Variants in NCOA3 observed in about 807,000 individuals in gnomAD.
NCOA3 encodes the protein CBP-interacting protein.
NCOA3 carries 51 observed loss-of-function variants against 158.8 expected under a neutral mutation model. That is an observed-to-expected ratio of 0.32 (90% CI 0.26 to 0.41). The LOEUF (loss-of-function observed/expected upper bound fraction) is 0.41. NCOA3 is among the 10% of genes least tolerant of loss of function. The probability of loss-of-function intolerance (pLI) is 1.00; values close to 1 mark genes in which losing one functional copy is unlikely to be tolerated. For missense variants in NCOA3, 1,510 were observed against 1,746.6 expected (o/e 0.86, Z 2.41); for synonymous variants, 537 against 592.4 (o/e 0.91, Z 1.36).
chr20:47,538,155 C>T (rs1250695378), intron 1 of NCOA3, among the ~76,000 whole-genome samples: 3 of 152,174 alleles, frequency 2.0e-5, no homozygotes, highest in Non-Finnish European at 4.4e-5. Context: ...GCTAGGATTA[C>T]AGGCATGAAC....
intron 2 of NCOA3, among the ~76,000 whole-genome samples, chr20:47,602,673 T>G (rs868588759): frequency 6.6e-6 from 1 of 152,222 alleles, no homozygotes; most frequent in Non-Finnish European, 1.5e-5. Context: ...TTCAGTAGTT[T>G]AAGGCTTTGA....
At chr20:47,652,368 T>C (rs767073511) in intron 20 of NCOA3, 38 bp from the exon 21 acceptor site, 1 of 1,557,460 alleles carries the variant, frequency 6.4e-7, no homozygotes, top group Non-Finnish European at 8.8e-7. Flanking sequence ...GGAGAAGGCA[T>C]TTGGGCATTT....
At chr20:47,643,645 GCTTT>G in intron 17 of NCOA3, among the ~76,000 whole-genome samples, 1 of 151,996 alleles carries the variant, frequency 6.6e-6, no homozygotes, top group African/African-American at 2.4e-5. Flanking sequence ...ATCTCAAATC[GCTTT>G]CTGTCTTGAT....
At chr20:47,638,230 C>G (rs2146325134) in intron 13 of NCOA3, among the ~76,000 whole-genome samples, 1 of 152,276 alleles carries the variant, frequency 6.6e-6, no homozygotes, top group East Asian at 1.9e-4. Flanking sequence ...TCTCCTGTTG[C>G]TGTGTGTTGA....
chr20:47,556,746 T>C (rs936607707), intron 1 of NCOA3, among the ~76,000 whole-genome samples: 1 of 152,132 alleles, frequency 6.6e-6, no homozygotes, highest in Admixed American at 6.6e-5. Context: ...CTGGTGAAGC[T>C]TTCTTTAACA....
At chr20:47,570,004 C>G (rs1371440695) in intron 1 of NCOA3, among the ~76,000 whole-genome samples, 1 of 150,350 alleles carries the variant, frequency 6.7e-6, no homozygotes. Context: ...AGTGAGACTC[C>G]GTCTCAAAAA....
intron 2 of NCOA3, among the ~76,000 whole-genome samples, chr20:47,596,827 C>T (rs952156813): frequency 3.9e-5 from 6 of 152,080 alleles, no homozygotes; most frequent in East Asian, 1.9e-4. Context: ...TGAGCTCAAG[C>T]GATCCACCTG....
At chr20:47,561,414 C>A (rs2085104030) in intron 1 of NCOA3, among the ~76,000 whole-genome samples, 2 of 151,318 alleles carry the variant, frequency 1.3e-5, no homozygotes, top group South Asian at 4.2e-4. Context: ...GATCCTCTTG[C>A]TTCAGCTTCC....
At chr20:47,606,342 C>T (rs2146268568) in intron 2 of NCOA3, among the ~76,000 whole-genome samples, 1 of 152,316 alleles carries the variant, frequency 6.6e-6, no homozygotes, top group South Asian at 2.1e-4. Flanking sequence ...TTGCTATTTT[C>T]ATCCCGTTGG....
intron 22 of NCOA3, 38 bp from the exon 23 acceptor site, chr20:47,653,368 A>ATTTTTTTTTTTTTTT: frequency 8.6e-6 from 12 of 1,389,728 alleles, no homozygotes; most frequent in Middle Eastern, 1.9e-4. Context: ...TGTTTTACTC[A>ATTTTTTTTTTTTTTT]TTTTTTTTTT....
intron 1 of NCOA3, among the ~76,000 whole-genome samples, chr20:47,576,823 A>G (rs2085379854): frequency 6.6e-6 from 1 of 152,198 alleles, no homozygotes. Context: ...TGGAGCCCAG[A>G]GCTTTGCTCA....
chr20:47,546,020 ATTGTT>A (rs1206051200), intron 1 of NCOA3, among the ~76,000 whole-genome samples: 1 of 152,006 alleles, frequency 6.6e-6, no homozygotes, highest in Non-Finnish European at 1.5e-5. Flanking sequence ...AGGCCTGTAT[ATTGTT>A]TATGTGAGAT....
intron 1 of NCOA3, among the ~76,000 whole-genome samples, chr20:47,535,458 T>C (rs566105558): frequency 6.6e-6 from 1 of 152,214 alleles, no homozygotes; most frequent in Admixed American, 6.5e-5. Flanking sequence ...CTTGCCCTAG[T>C]GTGCTGGAAA....
rs1181324864 is a variant in NCOA3, at chr20:47,598,108, G to A, written c.-20+14847G>A. ...AAAAATACAAAAAAATTAGCCAGGC[G>A]TGGTGGCGGGCGCCTGTAGTCCCAG... On this transcript the variant is annotated intron_variant, in intron 2 of 22. Transcript: ENST00000371998. Among the ~76,000 whole-genome samples, 10 of 150,996 alleles carry A rather than the reference G, an allele frequency of 6.6e-5. 1 individual carries two copies. The highest frequency in any genetic ancestry group is 5.3e-4 in the Admixed American group (8 of 15,152).
chr20:47,604,063 C>G (rs1396891871), intron 2 of NCOA3, among the ~76,000 whole-genome samples: 1 of 152,068 alleles, frequency 6.6e-6, no homozygotes, highest in Non-Finnish European at 1.5e-5. Flanking sequence ...TTTTTGTAAA[C>G]TAGGTTGTAG....
At position 47,639,583 on chromosome 20, in the gene NCOA3, C is replaced by G. The variant is rs2086570766; in HGVS notation, c.2714C>G (p.Pro905Arg). The G allele has an allele frequency of 2.5e-6, 4 of 1,613,236 alleles. No homozygotes were observed. Among genetic ancestry groups the G allele is most frequent in the African/African-American group, 2.7e-5 (2 of 74,994 alleles). The stretch of plus-strand genomic sequence containing the variant: ...GTATGGCTACCTGTTTTAGGTGGGC[C>G]AAACCGAAATGTGACTGTGACTCAG... ...QENYGSSMGG[P>R]NRNVTVTQTP... Residue 905 changes from proline to arginine, a missense_variant, in exon 15 of 23, where the codon CCA (proline) becomes CGA (arginine). Transcript: ENST00000371998.
intron 1 of NCOA3, among the ~76,000 whole-genome samples, chr20:47,517,412 A>G (rs2084251356): frequency 1.3e-5 from 2 of 149,436 alleles, no homozygotes; most frequent in Admixed American, 1.3e-4. Context: ...GCTTATGTTG[A>G]TGCAATTACA....
intron 2 of NCOA3, among the ~76,000 whole-genome samples, chr20:47,587,308 T>G (rs2085550930): frequency 6.6e-6 from 1 of 152,206 alleles, no homozygotes; most frequent in Non-Finnish European, 1.5e-5. Flanking sequence ...TGTGTCCTTG[T>G]GGGGAATAAA....
chr20:47,502,307 G>A (rs2083946174), intron 1 of NCOA3, among the ~76,000 whole-genome samples: 1 of 152,168 alleles, frequency 6.6e-6, no homozygotes, highest in African/African-American at 2.4e-5. Context: ...CACCCGAGGA[G>A]TTTGCGGGGG....
Sources: gnomAD v4.1 joint callset for allele counts (sites outside exome capture counted in the v4.1 genomes callset) on GRCh38, gnomAD v4.1.1 for gene constraint, MANE v1.5 for transcripts, NCBI Gene and HGNC (gene_info 2026-07-23, HGNC 2026-07-21) for gene names.